Variants in ZNF785 observed in about 807,000 individuals in gnomAD.
ZNF785 encodes the protein zinc finger protein 785.
Under a neutral mutation model 11.3 loss-of-function variants are expected in ZNF785, and 15 were observed. The observed-to-expected ratio is 1.32, with a 90% confidence interval of 0.89 to 2.04. The LOEUF (loss-of-function observed/expected upper bound fraction) is 2.04. Ranked by LOEUF, ZNF785 falls within the 30% of genes most tolerant of loss-of-function variation. The probability of loss-of-function intolerance (pLI) is 0.00; values close to 1 mark genes in which losing one functional copy is unlikely to be tolerated. For synonymous variants in ZNF785, 221 were observed against 231.0 expected (o/e 0.96, Z 0.39); for missense variants, 572 against 560.9 (o/e 1.02, Z -0.20).
Position 30,583,227 on chromosome 16 carries a change from G to A in ZNF785, c.551C>T (p.Pro184Leu), listed in dbSNP as rs748739372. The A allele has an allele frequency of 1.9e-6, 3 of 1,613,378 alleles. No homozygotes were observed. In the African/African-American group the frequency reaches 4.0e-5, roughly 22 times the overall value. Residue 184 changes from proline to leucine, a missense_variant, in exon 3 of 3, where the codon CCT becomes CTT. Pro to Leu is a moderately conservative substitution (Grantham distance 98). Transcript: ENST00000395216. ...CCGCTGGTGGCTGGCCAGGAGGGAA[G>A]GGTAGCTGAAGTTGCGGCCACAGTC... ...CPDCGRNFSY[P>L]SLLASHQRVH...
Position 30,582,924 on chromosome 16 carries a change from C to A in ZNF785, c.854G>T (p.Ser285Ile). ...GAAACGGAGGCTGCAATCGGGGCAG[C>A]TGTAGGGCTTCTCGCCCGTGTGCTT... ...QRKHTGEKPYSCPDCSLRFAY... is the reference protein window; with the variant it reads ...QRKHTGEKPYICPDCSLRFAY... Residue 285 changes from serine (S) to isoleucine (I), a missense_variant, in exon 3 of 3, where the codon AGC (serine) becomes ATC (isoleucine). Ser to Ile is a moderately radical substitution (Grantham distance 142, BLOSUM62 -2). Coordinates refer to ENST00000395216, the MANE Select transcript of ZNF785 (RefSeq NM_152458.7). The A allele has an allele frequency of 1.9e-6, 3 of 1,612,410 alleles. No homozygotes were observed. The highest frequency in any genetic ancestry group is 2.5e-6 in the Non-Finnish European group (3 of 1,179,666).
Position 30,583,075 on chromosome 16 carries a change from G to A in ZNF785, c.703C>T (p.Arg235Cys), listed in dbSNP as rs765921616. The A allele has an allele frequency of 3.7e-6, 6 of 1,614,058 alleles. No individual in the cohort carries two copies. The Admixed American group carries it at 8.3e-5, about 22-fold the overall frequency. The change falls in exon 3 of 3, where the codon CGC (arginine) becomes TGC (cysteine). Residue 235 changes from arginine (R) to cysteine (C), a missense_variant. Arg to Cys is a radical substitution (Grantham distance 180, BLOSUM62 -3). Coordinates refer to ENST00000395216, the MANE Select transcript of ZNF785 (RefSeq NM_152458.7). Reference sequence around the variant, plus strand: ...AGGGAACCCCTCTGGCGGAAGCGGCGCCCGCAGTCGGGGCAGGGGTAGGGC... The same window carrying A: ...AGGGAACCCCTCTGGCGGAAGCGGCACCCGCAGTCGGGGCAGGGGTAGGGC... Reference protein sequence around the residue: ...EKPYPCPDCGRRFRQRGSLAI... With the variant: ...EKPYPCPDCGCRFRQRGSLAI...
rs2051807834 is a variant in ZNF785, at chr16:30,581,453, C to T, written c.*1107G>A. The T allele has an allele frequency of 7.6e-6, 1 of 131,314 alleles. No homozygotes were observed. The highest frequency in any genetic ancestry group is 8.4e-5 in the Admixed American group (1 of 11,970). 8.1% of individuals were successfully genotyped at this position (131,314 alleles called of 1,614,324 possible). ...CCAGCCCAGGCAATAGAGACAGACT[C>T]TGTCTCAAAAAAAAAAAAAAAAAAA... is the stretch of plus-strand genomic sequence containing the variant. On this transcript the variant is annotated 3_prime_UTR_variant, in exon 3 of 3. Coordinates refer to ENST00000395216, the MANE Select transcript of ZNF785 (RefSeq NM_152458.7).
In ZNF785 at chr16:30,583,438, T is replaced by C. The variant is rs2051849732; in HGVS notation, c.340A>G (p.Arg114Gly). 1 of 1,533,596 alleles carries C rather than the reference T, an allele frequency of 6.5e-7. No homozygotes were observed. Among genetic ancestry groups the C allele is most frequent in the East Asian group, 2.3e-5 (1 of 44,040 alleles). The allele number at this position is 1,533,596 out of a possible 1,614,324, so 95.0% of individuals were successfully genotyped here. ...SRGQGQEAGS[R>G]DGNEEKERLK... The stretch of plus-strand genomic sequence containing the variant: ...CTTTCCTTCTCCTCATTCCCATCCC[T>C]GGATCCTGAAACAGGGAAGATGATA... Residue 114 changes from arginine to glycine, a missense_variant, in exon 3 of 3, where the codon AGG (arginine) becomes GGG (glycine). Physicochemically the swap from Arg to Gly is moderately radical, Grantham distance 125 (BLOSUM62 -2). Coordinates refer to ENST00000395216, the MANE Select transcript of ZNF785 (RefSeq NM_152458.7).
Position 30,583,342 on chromosome 16 carries a change from C to T in ZNF785, c.436G>A (p.Ala146Thr), listed in dbSNP as rs1374122746. ...CTAGGGTTGCAGAACTCTGGGCAGG[C>T]GACGCTGGGCCACCACTCCTTGACA... ...VAVKEWWPSV[A>T]CPEFCNPRQS... is the part of the protein sequence containing the mutation. Residue 146 changes from alanine to threonine, a missense_variant, in exon 3 of 3, where the codon GCC becomes ACC. By Grantham distance (58) the Ala-to-Thr change is moderately conservative. Coordinates refer to ENST00000395216, the MANE Select transcript of ZNF785 (RefSeq NM_152458.7). 10 of 1,613,632 alleles carry T rather than the reference C, an allele frequency of 6.2e-6. No individual in the cohort carries two copies. The highest frequency in any genetic ancestry group is 3.3e-5 in the Admixed American group (2 of 59,956).
chr16:30,581,612 A>T lies in ZNF785; in HGVS notation c.*948T>A, dbSNP rs2051810653. The T allele has an allele frequency of 6.6e-6, 1 of 152,162 alleles. No homozygotes were observed. The highest frequency in any genetic ancestry group is 2.4e-5 in the African/African-American group (1 of 41,434). The allele number at this position is 152,162 out of a possible 1,614,324, so 9.4% of individuals were successfully genotyped here. A position where few individuals can be genotyped will look rare whatever the true frequency, so the allele number is the denominator to read the frequency against. On this transcript the variant is annotated 3_prime_UTR_variant, in exon 3 of 3. Transcript: ENST00000395216. ...GCAATCACTAATGCATACAGTGAAG[A>T]GTTGGCCCAGTTCCAGAGTCCGCTA...
In ZNF785 at chr16:30,581,517, A is replaced by C. The variant is rs1026063263; in HGVS notation, c.*1043T>G. ...ATTATATCTCCAGCTACTGTGGCCC[A>C]AGAATATATCTTTATCAAAAAATAC... On this transcript the variant is annotated 3_prime_UTR_variant, in exon 3 of 3. Coordinates refer to ENST00000395216, the MANE Select transcript of ZNF785 (RefSeq NM_152458.7). 2.0e-5 allele frequency: 3 copies of C among 151,992 alleles called. No homozygotes were observed. 9.4% of individuals were successfully genotyped at this position (151,992 alleles called of 1,614,324 possible). A position where few individuals can be genotyped will look rare whatever the true frequency, so the allele number is the denominator to read the frequency against.
In ZNF785 at chr16:30,582,380, C is replaced by T; in HGVS notation, c.*180G>A. 1 of 880,344 alleles carries T rather than the reference C, an allele frequency of 1.1e-6. No homozygotes were observed. Among genetic ancestry groups the T allele is most frequent in the Non-Finnish European group, 1.7e-6 (1 of 594,046 alleles). 54.5% of individuals were successfully genotyped at this position (880,344 alleles called of 1,614,324 possible). A position where few individuals can be genotyped will look rare whatever the true frequency, so the allele number is the denominator to read the frequency against. On this transcript the variant is annotated 3_prime_UTR_variant, in exon 3 of 3. Transcript: ENST00000395216. ...GGAGCTTCAGAAAATGGGGTCAACC[C>T]CCAGGCACCTTTTCAGATTCCTGCC...
chr16:30,580,317 A>G (rs1225495310), downstream of ZNF785, among the ~76,000 whole-genome samples: 5 of 149,424 alleles, frequency 3.3e-5, no homozygotes, highest in Middle Eastern at 3.3e-3. Context: ...CCTCCCAAGA[A>G]GCTGGGATTA....
In ZNF785 at chr16:30,581,290, C is replaced by T; in HGVS notation, c.*1270G>A. On this transcript the variant is annotated 3_prime_UTR_variant, in exon 3 of 3. Transcript: ENST00000395216. ...CTGGCTAACACGGTGAAACCCCCGT[C>T]TCTACTAAAAATACAAAATATTAGT... The T allele has an allele frequency of 6.6e-6, 1 of 152,062 alleles. No individual in the cohort carries two copies. Among genetic ancestry groups the T allele is most frequent in the East Asian group, 1.9e-4 (1 of 5,184 alleles). The allele number at this position is 152,062 out of a possible 1,614,324, so 9.4% of individuals were successfully genotyped here. A position where few individuals can be genotyped will look rare whatever the true frequency, so the allele number is the denominator to read the frequency against.
Position 30,583,144 on chromosome 16 carries a change from G to A in ZNF785, c.634C>T (p.Arg212Cys), listed in dbSNP as rs61745796. The A allele has an allele frequency of 2.0e-3, 3,154 of 1,613,948 alleles. 58 individuals are homozygous for A. In the African/African-American group the frequency reaches 0.037, roughly 19 times the overall value. Residue 212 changes from arginine to cysteine, a missense_variant, in exon 3 of 3, where the codon CGC becomes TGC. By Grantham distance (180) the Arg-to-Cys change is radical. Coordinates refer to ENST00000395216, the MANE Select transcript of ZNF785 (RefSeq NM_152458.7). ...CGQCQARFSQRRYLLQHQFIH... is the reference protein window; with the variant it reads ...CGQCQARFSQCRYLLQHQFIH... ...AACTGATGCTGGAGCAGGTACCTGC[G>A]CTGGGAGAAACGCGCCTGACACTGG...
chr16:30,582,283 C>A lies in ZNF785; in HGVS notation c.*277G>T. On this transcript the variant is annotated 3_prime_UTR_variant, in exon 3 of 3. Transcript: ENST00000395216. The stretch of plus-strand genomic sequence containing the variant: ...AGAGAGCTACAAGGGAGAGAACAAT[C>A]ATGAAGGAAAAGCCAGTTAGGTGAA... The A allele has an allele frequency of 2.1e-6, 1 of 487,506 alleles. No individual in the cohort carries two copies. Among genetic ancestry groups the A allele is most frequent in the Non-Finnish European group, 3.7e-6 (1 of 270,324 alleles). The allele number at this position is 487,506 out of a possible 1,614,324, so 30.2% of individuals were successfully genotyped here.
Position 30,585,329 on chromosome 16 carries a change from GCC to G in ZNF785, c.205+76_205+77del, listed in dbSNP as rs768629009. On this transcript the variant is annotated intron_variant, in intron 1 of 2. Transcript: ENST00000395216. This position sits in a 1 kb window ranked among gnomAD's most constrained non-coding sequence, Gnocchi z 4.0. The stretch of plus-strand genomic sequence containing the variant: ...CTGCTCCCTCGGCGCCCCGCTTCCA[GCC>G]CACTAGCCTCTGGGGACACCGATCA... 12 of 1,579,500 alleles carry G rather than the reference GCC, an allele frequency of 7.6e-6. No homozygotes were observed. In the East Asian group the frequency reaches 2.5e-4, roughly 33 times the overall value.
chr16:30,578,831 CT>C (rs34099225), downstream of ZNF785: 10 of 144,780 alleles, frequency 6.9e-5, no homozygotes, highest in Non-Finnish European at 6.0e-5. Flanking sequence ...GCGCCTGGCT[CT>C]TTTTTTTTTT....
chr16:30,582,668 C>T lies in ZNF785; in HGVS notation c.1110G>A (p.Ala370=), dbSNP rs370486772. ...WIHRSCSERR[A]WQQAVVGRSE... ...AACGCCCCACCACGGCCTGCTGCCACGCGCGCCTCTCGCTGCAGGAGCGGT... is the reference window on the plus strand; with the variant it reads ...AACGCCCCACCACGGCCTGCTGCCATGCGCGCCTCTCGCTGCAGGAGCGGT... The change falls in exon 3 of 3, where the codon GCG becomes GCA. Residue 370 remains alanine (A), a synonymous_variant. Coordinates refer to ENST00000395216, the MANE Select transcript of ZNF785 (RefSeq NM_152458.7). 36 of 1,614,046 alleles carry T rather than the reference C, an allele frequency of 2.2e-5. No individual in the cohort carries two copies. The highest frequency in any genetic ancestry group is 3.0e-5 in the Non-Finnish European group (35 of 1,180,060).
rs1179086342 is a variant in ZNF785 at position 30,585,476 on chromosome 16, G to C, written c.136C>G (p.Leu46Val). The C allele has an allele frequency of 6.2e-7, 1 of 1,604,158 alleles. No individual in the cohort carries two copies. The highest frequency in any genetic ancestry group is 8.5e-7 in the Non-Finnish European group (1 of 1,175,918). Reference sequence around the variant, plus strand: ...TACAGGGCCCTCTGCGCTGGCCGCAGGCATTCCCACTCCTCGGGAGAGAAG... The same window carrying C: ...TACAGGGCCCTCTGCGCTGGCCGCACGCATTCCCACTCCTCGGGAGAGAAG... ...VYFSPEEWEC[L>V]RPAQRALYRD... The change falls in exon 1 of 3, where the codon CTG (leucine) becomes GTG (valine). Residue 46 changes from leucine to valine, a missense_variant. By Grantham distance (32) the Leu-to-Val change is conservative. Coordinates refer to ENST00000395216, the MANE Select transcript of ZNF785 (RefSeq NM_152458.7). This position sits in a 1 kb window ranked among gnomAD's most constrained non-coding sequence, Gnocchi z 4.0.
downstream of ZNF785, among the ~76,000 whole-genome samples, chr16:30,580,123 G>A (rs1447411413): frequency 4.6e-5 from 7 of 150,684 alleles, no homozygotes; most frequent in African/African-American, 9.8e-5. Flanking sequence ...TCCTGACCTC[G>A]TGATCCACCC....
At position 30,585,516 on chromosome 16, in the gene ZNF785, C is replaced by T. The variant is rs745893667; in HGVS notation, c.96G>A (p.Ala32=). The T allele has an allele frequency of 6.3e-7, 1 of 1,592,996 alleles. No homozygotes were observed. The change falls in exon 1 of 3, where the codon GCG becomes GCA. Residue 32 remains alanine, a synonymous_variant. Transcript: ENST00000395216. This position sits in a 1 kb window ranked among gnomAD's most constrained non-coding sequence, Gnocchi z 4.0. ...CGGGAGAGAAGTACACGGCCACGTC[C>T]GCGAAGCTCACGGCGCCCGGCCTGC... ...RESRPGAVSF[A]DVAVYFSPEE...
At position 30,585,043 on chromosome 16, in the gene ZNF785, G is replaced by A; in HGVS notation, c.334+79C>T. 6.5e-7 allele frequency: 1 copy of A among 1,529,234 alleles called. No individual in the cohort carries two copies. The highest frequency in any genetic ancestry group is 8.8e-7 in the Non-Finnish European group (1 of 1,133,740). 94.7% of individuals were successfully genotyped at this position (1,529,234 alleles called of 1,614,324 possible). On this transcript the variant is annotated intron_variant, in intron 2 of 2. Transcript: ENST00000395216. This position sits in a 1 kb window ranked among gnomAD's most constrained non-coding sequence, Gnocchi z 4.0. The stretch of plus-strand genomic sequence containing the variant: ...GGAGACAGGATGGGACTTTGGAGGG[G>A]GCAGCCTGCGCTGAGGATGTGAGTG...
Sources: allele counts gnomAD v4.1 joint callset (sites outside exome capture counted in the v4.1 genomes callset), GRCh38; gene constraint gnomAD v4.1.1; non-coding constraint Gnocchi (gnomAD v3.1); transcripts MANE v1.5; gene names NCBI Gene and HGNC (gene_info 2026-07-23, HGNC 2026-07-21).